The following ERBB4 variants were observed in gnomAD, a reference collection of about 807,000 sequenced individuals.
ERBB4 encodes receptor tyrosine-protein kinase erbB-4.
In ERBB4, 42 loss-of-function variants were observed where a neutral mutation model predicts 158.0. The ratio of observed to expected loss-of-function variants is 0.27; its 90% CI spans 0.21 to 0.34. ERBB4 has a LOEUF of 0.34. Ranked by LOEUF, ERBB4 falls within the 10% of genes least tolerant of loss-of-function variation. The pLI, the probability that ERBB4 is intolerant of heterozygous loss-of-function variation, is 1.00. For missense variants in ERBB4, 1,333 were observed against 1,624.1 expected, an observed-to-expected ratio of 0.82 and a Z score of 3.08; for synonymous variants, 583 against 558.7, an observed-to-expected ratio of 1.04 and a Z score of -0.61.
At chr2:212,334,986 G>A (rs2088358790) in intron 1 of ERBB4, among the ~76,000 whole-genome samples, 1 of 151,776 alleles carries the variant, frequency 6.6e-6, no homozygotes, top group Admixed American at 6.6e-5. Context: ...ATAAATTCTT[G>A]AAAAAAATAT....
chr2:212,179,541 G>A (rs1228697579), intron 1 of ERBB4, among the ~76,000 whole-genome samples: 1 of 151,524 alleles, frequency 6.6e-6, no homozygotes, highest in East Asian at 1.9e-4. Context: ...GAGTAGAAAA[G>A]ATTACCATGG....
At chr2:212,234,149 C>A (rs927190649) in intron 1 of ERBB4, among the ~76,000 whole-genome samples, 2 of 152,054 alleles carry the variant, frequency 1.3e-5, no homozygotes, top group African/African-American at 4.8e-5. Context: ...CAACCTCTGA[C>A]AGGCCCTGTT....
intron 1 of ERBB4, among the ~76,000 whole-genome samples, chr2:212,139,188 A>G (rs1227767876): frequency 6.6e-6 from 1 of 152,102 alleles, no homozygotes; most frequent in African/African-American, 2.4e-5. Flanking sequence ...ATCATTCACT[A>G]TGACACACAA....
At chr2:211,568,345 C>A (rs2067614461) in intron 19 of ERBB4, among the ~76,000 whole-genome samples, 1 of 152,092 alleles carries the variant, frequency 6.6e-6, no homozygotes, top group African/African-American at 2.4e-5. Flanking sequence ...AAGTCTCTAG[C>A]CACATATTAT....
At chr2:212,143,345 T>TA (rs1453289855) in intron 1 of ERBB4, among the ~76,000 whole-genome samples, 1 of 152,176 alleles carries the variant, frequency 6.6e-6, no homozygotes, top group Admixed American at 6.5e-5. Context: ...TGGTTAATAA[T>TA]AAAGTGTTGA....
intron 2 of ERBB4, among the ~76,000 whole-genome samples, chr2:212,007,432 C>T (rs937011673): frequency 1.3e-5 from 2 of 151,628 alleles, no homozygotes; most frequent in African/African-American, 4.8e-5. Context: ...TGGTAAACCA[C>T]CTTCTTAACA....
chr2:211,716,956 T>C (rs149000993), intron 7 of ERBB4, among the ~76,000 whole-genome samples: 1 of 152,318 alleles, frequency 6.6e-6, no homozygotes, highest in Non-Finnish European at 1.5e-5. Flanking sequence ...TCTTCATGTT[T>C]AGCCACTTAC....
chr2:211,499,277 C>T (rs576715682), intron 20 of ERBB4, among the ~76,000 whole-genome samples: 2 of 152,202 alleles, frequency 1.3e-5, no homozygotes, highest in East Asian at 3.9e-4. Context: ...GTAATCCCAG[C>T]ACTTTGGGAG....
chr2:212,486,853 G>A (rs575293284), intron 1 of ERBB4, among the ~76,000 whole-genome samples: 1 of 151,314 alleles, frequency 6.6e-6, no homozygotes, highest in African/African-American at 2.4e-5. Context: ...ATGTTCTTTT[G>A]TATTCTGTTG....
chr2:211,674,021 A>G (rs1420880310), intron 13 of ERBB4, among the ~76,000 whole-genome samples: 1 of 152,054 alleles, frequency 6.6e-6, no homozygotes, highest in East Asian at 1.9e-4. Context: ...CTATTTGTAT[A>G]TTACATGTTA....
At chr2:212,015,042 ATATATATATATAT>A (rs2076483267) in intron 2 of ERBB4, among the ~76,000 whole-genome samples, 1 of 11,630 alleles carries the variant, frequency 8.6e-5, no homozygotes, top group Non-Finnish European at 1.8e-4. Flanking sequence ...AAAAAAAAAA[ATATATATATATAT>A]ATATATATAT....
At chr2:212,244,800 TC>T (rs1229953850) in intron 1 of ERBB4, among the ~76,000 whole-genome samples, 1 of 152,140 alleles carries the variant, frequency 6.6e-6, no homozygotes, top group African/African-American at 2.4e-5. Flanking sequence ...CATCCCACTT[TC>T]TAAATATGTG....
chr2:211,899,324 A>G (rs1252708018), intron 3 of ERBB4, among the ~76,000 whole-genome samples: 4 of 152,114 alleles, frequency 2.6e-5, no homozygotes, highest in Non-Finnish European at 4.4e-5. Flanking sequence ...TATTTTCTCT[A>G]CGGCATTAGT....
chr2:211,496,892 A>T (rs2065482688), intron 20 of ERBB4, among the ~76,000 whole-genome samples: 1 of 152,074 alleles, frequency 6.6e-6, no homozygotes, highest in Non-Finnish European at 1.5e-5. Flanking sequence ...CATTACGGCC[A>T]GGCAATCTGA....
chr2:211,626,338 TA>T (rs2069842203), intron 17 of ERBB4, among the ~76,000 whole-genome samples: 1 of 152,104 alleles, frequency 6.6e-6, no homozygotes, highest in Non-Finnish European at 1.5e-5. Flanking sequence ...GCATGTAACA[TA>T]AAAAAGACAA....
chr2:211,664,781 A>G (rs4672621), intron 15 of ERBB4, among the ~76,000 whole-genome samples: 81,682 of 152,010 alleles, frequency 0.54, 22,428 homozygotes, highest in Middle Eastern at 0.64. Flanking sequence ...TAACAAGGTT[A>G]CTTTCACAAA....
At chr2:212,518,703 C>A (rs1425177900) in intron 1 of ERBB4, among the ~76,000 whole-genome samples, 6 of 151,884 alleles carry the variant, frequency 4.0e-5, no homozygotes, top group Non-Finnish European at 8.8e-5. Context: ...ACAGACAGCC[C>A]AAGTTGTTAA....
At chr2:212,521,698 T>C (rs1692180718) in intron 1 of ERBB4, among the ~76,000 whole-genome samples, 1 of 151,974 alleles carries the variant, frequency 6.6e-6, no homozygotes, top group Non-Finnish European at 1.5e-5. Flanking sequence ...GAGGTTAACA[T>C]TAATATTCAA....
chr2:212,380,493 A>C (rs1178529145), intron 1 of ERBB4, among the ~76,000 whole-genome samples: 1 of 122,136 alleles, frequency 8.2e-6, no homozygotes, highest in Non-Finnish European at 1.7e-5. Flanking sequence ...TGTGTGTATG[A>C]TGTTATGCTA....
Sources: gnomAD v4.1 joint callset for allele counts (sites outside exome capture counted in the v4.1 genomes callset) on GRCh38, gnomAD v4.1.1 for gene constraint, MANE v1.5 for transcripts, NCBI Gene and HGNC (gene_info 2026-07-23, HGNC 2026-07-21) for gene names.